ARHGAP10: variants seen among roughly 807,000 people sequenced by gnomAD.
The protein encoded by ARHGAP10 is Rho GTPase activating protein 10, also known as rho GTPase-activating protein 10.
In ARHGAP10, 87 loss-of-function variants were observed where a neutral mutation model predicts 108.6. That is an observed-to-expected ratio of 0.80 (90% CI 0.67 to 0.96). The LOEUF (loss-of-function observed/expected upper bound fraction) is 0.96, where lower values mean the gene tolerates loss of function less well. Among genes scored for constraint, ARHGAP10 ranks in the 40% least tolerant of loss-of-function variants. The probability of loss-of-function intolerance (pLI) is 0.00; values close to 1 mark genes in which losing one functional copy is unlikely to be tolerated. For missense variants in ARHGAP10, 939 were observed against 954.5 expected, an observed-to-expected ratio of 0.98 and a Z score of 0.21; for synonymous variants, 347 against 341.1, an observed-to-expected ratio of 1.02 and a Z score of -0.19.
At chr4:147,888,625 A>G (rs1164222395) in intron 10 of ARHGAP10, among the ~76,000 whole-genome samples, 1 of 152,234 alleles carries the variant, frequency 6.6e-6, no homozygotes, top group African/African-American at 2.4e-5. Flanking sequence ...AGTCTAAAAG[A>G]TGAAGCTGCT....
At chr4:148,063,686 G>A (rs539076063) in intron 21 of ARHGAP10, among the ~76,000 whole-genome samples, 2 of 152,364 alleles carry the variant, frequency 1.3e-5, no homozygotes, top group Non-Finnish European at 1.5e-5. Flanking sequence ...CAAGTCCATA[G>A]AGGACAGAGC....
At chr4:147,871,922 G>A (rs1734839518) in intron 7 of ARHGAP10, among the ~76,000 whole-genome samples, 1 of 152,042 alleles carries the variant, frequency 6.6e-6, no homozygotes, top group South Asian at 2.1e-4. Context: ...GCAATGTAGT[G>A]AGACCCTGTC....
intron 16 of ARHGAP10, among the ~76,000 whole-genome samples, chr4:147,959,389 C>G (rs2126989017): frequency 6.6e-6 from 1 of 151,942 alleles, no homozygotes; most frequent in Non-Finnish European, 1.5e-5. Context: ...AAATTATACT[C>G]TAAGTTCTAG....
At chr4:147,971,502 A>G (rs1739404605) in intron 18 of ARHGAP10, among the ~76,000 whole-genome samples, 1 of 152,218 alleles carries the variant, frequency 6.6e-6, no homozygotes, top group Non-Finnish European at 1.5e-5. Context: ...GTTCAGCTGC[A>G]GGGAATCTGG....
chr4:147,797,560 G>A (rs1225179785), intron 1 of ARHGAP10, among the ~76,000 whole-genome samples: 2 of 151,960 alleles, frequency 1.3e-5, no homozygotes, highest in Non-Finnish European at 2.9e-5. Context: ...CTACAGGTGC[G>A]CACCACCACA....
intron 18 of ARHGAP10, among the ~76,000 whole-genome samples, chr4:147,978,133 T>C (rs1446914062): frequency 2.0e-5 from 3 of 152,236 alleles, no homozygotes; most frequent in African/African-American, 7.2e-5. Flanking sequence ...ATACAAGTAC[T>C]GCATGTGTCT....
chr4:147,985,386 A>T (rs1739998987), intron 18 of ARHGAP10, among the ~76,000 whole-genome samples: 1 of 152,144 alleles, frequency 6.6e-6, no homozygotes. Flanking sequence ...CCATAACCTC[A>T]GGAGAGGAGG....
intron 16 of ARHGAP10, among the ~76,000 whole-genome samples, chr4:147,958,010 T>G (rs548191847): frequency 6.6e-6 from 1 of 152,344 alleles, no homozygotes; most frequent in South Asian, 2.1e-4. Flanking sequence ...AGGAACCCAG[T>G]AGACGATCCA....
chr4:147,944,428 C>T (rs1300340508), intron 14 of ARHGAP10, among the ~76,000 whole-genome samples: 1 of 152,132 alleles, frequency 6.6e-6, no homozygotes, highest in African/African-American at 2.4e-5. Context: ...AGTAATTGAC[C>T]TCATATGTAT....
intron 18 of ARHGAP10, among the ~76,000 whole-genome samples, chr4:148,003,747 G>A (rs1229427204): frequency 3.3e-5 from 5 of 151,612 alleles, no homozygotes; most frequent in African/African-American, 7.3e-5. Context: ...GCCTTTTTTT[G>A]TTTTCCATTT....
Position 147,897,694 on chromosome 4 carries a change from A to G in ARHGAP10, c.1035-8944A>G, listed in dbSNP as rs1048540207. ...TATATATTCTAATTCTACATACACT[A>G]TGAATGTGGGAATTACATAGCATTT... On this transcript the variant is annotated intron_variant, in intron 10 of 22. Transcript: ENST00000336498. Among the ~76,000 whole-genome samples, 9 of 152,282 alleles carry G rather than the reference A, an allele frequency of 5.9e-5. No individual in the cohort carries two copies. In the East Asian group the frequency reaches 7.7e-4, roughly 13 times the overall value.
At chr4:147,913,042 G>A (rs2126921286) in intron 12 of ARHGAP10, 32 bp from the exon 13 acceptor site, 1 of 1,566,006 alleles carries the variant, frequency 6.4e-7, no homozygotes, top group Admixed American at 1.7e-5. Flanking sequence ...AATAATAATT[G>A]TACACTTAAT....
At chr4:148,043,649 ATATTTTAGGTG>A (rs1728739030) in intron 19 of ARHGAP10, among the ~76,000 whole-genome samples, 1 of 114,516 alleles carries the variant, frequency 8.7e-6, no homozygotes, top group Admixed American at 9.3e-5. Flanking sequence ...ATATATATAT[ATATTTTAGGTG>A]TATAAATATA....
intron 10 of ARHGAP10, among the ~76,000 whole-genome samples, chr4:147,889,771 G>A (rs1295414640): frequency 2.6e-5 from 4 of 152,192 alleles, no homozygotes; most frequent in African/African-American, 9.7e-5. Context: ...AAACTGCACA[G>A]TGGAGGCTGG....
chr4:147,764,315 G>A lies in ARHGAP10; in HGVS notation c.154+31860G>A, dbSNP rs76413235. On this transcript the variant is annotated intron_variant, in intron 1 of 22. Transcript: ENST00000336498. ...TTTCATATTTTTAGACTTGGAGATA[G>A]GTGAGGCTGGAGACCCTAGTCTGAG... is the stretch of plus-strand genomic sequence containing the variant. 8.1e-3 allele frequency among the ~76,000 whole-genome samples: 1,226 copies of A among 152,024 alleles called. 12 individuals are homozygous for A. Among genetic ancestry groups the A allele is most frequent in the African/African-American group, 0.028 (1,154 of 41,456 alleles).
chr4:148,017,680 A>ATG (rs1553971549), intron 18 of ARHGAP10, among the ~76,000 whole-genome samples: 1 of 141,438 alleles, frequency 7.1e-6, no homozygotes. Flanking sequence ...ATATATATAT[A>ATG]TATGTGTGTG....
chr4:147,832,300 A>G (rs1732981909), intron 3 of ARHGAP10, among the ~76,000 whole-genome samples: 1 of 152,120 alleles, frequency 6.6e-6, no homozygotes, highest in South Asian at 2.1e-4. Context: ...CTTGAAAACA[A>G]AGAACTGAAG....
chr4:147,818,083 T>G (rs1458832246), intron 1 of ARHGAP10, among the ~76,000 whole-genome samples: 3 of 152,004 alleles, frequency 2.0e-5, no homozygotes, highest in Non-Finnish European at 2.9e-5. Context: ...CCAGGACTTA[T>G]TACCAGCAGT....
At position 147,876,452 on chromosome 4, in the gene ARHGAP10, G is replaced by A. The variant is rs533583137; in HGVS notation, c.832+1302G>A. 2.6e-5 allele frequency among the ~76,000 whole-genome samples: 4 copies of A among 152,174 alleles called. No homozygotes were observed. The South Asian group carries it at 8.3e-4, about 32-fold the overall frequency. ...CTAAAAAATACAAAAAATCAGCAGG[G>A]CGTAGTGGCGGGCACCTGTAGTCCC... On this transcript the variant is annotated intron_variant, in intron 8 of 22. Coordinates refer to ENST00000336498, the MANE Select transcript of ARHGAP10 (RefSeq NM_024605.4).
Sources: allele counts gnomAD v4.1 joint callset (sites outside exome capture counted in the v4.1 genomes callset), GRCh38; gene constraint gnomAD v4.1.1; transcripts MANE v1.5; gene names NCBI Gene and HGNC (gene_info 2026-07-23, HGNC 2026-07-21).